The following ZNF140 variants were observed in gnomAD, a reference collection of about 807,000 sequenced individuals.
ZNF140 encodes zinc finger protein 140 (clone pHZ-39).
A neutral mutation model predicts 12.9 loss-of-function variants in ZNF140; 13 were observed. The ratio of observed to expected loss-of-function variants is 1.01; its 90% CI spans 0.66 to 1.60. ZNF140 has a LOEUF of 1.60. ZNF140 is among the 40% of genes most tolerant of loss of function. ZNF140 has a pLI of 0.00. For synonymous variants in ZNF140, 214 were observed against 186.7 expected (o/e 1.15, Z -1.19); for missense variants, 531 against 548.8 (o/e 0.97, Z 0.32).
In ZNF140 at chr12:133,089,326, G is replaced by A. The variant is rs374291852; in HGVS notation, c.232+5765G>A. 4.0e-4 allele frequency among the ~76,000 whole-genome samples: 60 copies of A among 151,680 alleles called. No homozygotes were observed. The East Asian group carries it at 4.1e-3, about 10-fold the overall frequency. On this transcript the variant is annotated intron_variant, in intron 4 of 4. Transcript: ENST00000355557. ...TTCCCCCGGCCCAGGTGATCCTCCC[G>A]TCTCAGCCTCCCAAGTAGCTGGGAC... is the stretch of plus-strand genomic sequence containing the variant.
intron 4 of ZNF140, among the ~76,000 whole-genome samples, chr12:133,099,019 G>A (rs1203175858): frequency 6.6e-6 from 1 of 152,036 alleles, no homozygotes; most frequent in East Asian, 1.9e-4. Context: ...GGGACTACAG[G>A]CGCGAGCCAC....
At chr12:133,083,367 A>G in intron 3 of ZNF140, 99 bp from the exon 4 acceptor site, 2 of 1,502,928 alleles carry the variant, frequency 1.3e-6, no homozygotes, top group Non-Finnish European at 1.8e-6. Context: ...ACTGCACCTT[A>G]TTTTTAGACA....
intron 4 of ZNF140, among the ~76,000 whole-genome samples, chr12:133,104,250 T>G (rs1272596611): frequency 6.6e-6 from 1 of 152,236 alleles, no homozygotes; most frequent in African/African-American, 2.4e-5. Context: ...ATTTGGCATA[T>G]GATTTTTCTT....
At chr12:133,104,265 A>T (rs1955482768) in intron 4 of ZNF140, among the ~76,000 whole-genome samples, 1 of 152,204 alleles carries the variant, frequency 6.6e-6, no homozygotes, top group African/African-American at 2.4e-5. Flanking sequence ...TTTCTTCTGA[A>T]ACATTTGAGA....
chr12:133,100,240 T>C (rs986550374), intron 4 of ZNF140, among the ~76,000 whole-genome samples: 1 of 135,298 alleles, frequency 7.4e-6, no homozygotes, highest in South Asian at 2.6e-4. Context: ...TTATCATAGC[T>C]CACTGCAGCC....
chr12:133,081,359 ATATATATATAT>A lies in ZNF140; in HGVS notation c.9+31_9+41del, dbSNP rs1381720294. The A allele has an allele frequency of 6.7e-5, 18 of 267,626 alleles. 3 individuals are homozygous for A. The highest frequency in any genetic ancestry group is 1.3e-4 in the Admixed American group (2 of 15,398). The allele number at this position is 267,626 out of a possible 1,614,324, so 16.6% of individuals were successfully genotyped here. ...GCTAATGATTGATAAATATATATAT[ATATATATATAT>A]AAATTTTTATTTTTTTTTTAAGAGA... On this transcript the variant is annotated intron_variant, in intron 2 of 4. Coordinates refer to ENST00000355557, the MANE Select transcript of ZNF140 (RefSeq NM_003440.4).
rs987116939 is a variant in ZNF140, at chr12:133,092,896, G to A, written c.232+9335G>A. On this transcript the variant is annotated intron_variant, in intron 4 of 4. Transcript: ENST00000355557. ...ATTGTTCCCAAACTAAGACTTCTGG[G>A]TCTTTTGATTCTTTTGGAATTTCCT... Among the ~76,000 whole-genome samples the A allele has an allele frequency of 5.3e-5, 8 of 151,268 alleles. No homozygotes were observed. The South Asian group carries it at 1.0e-3, about 20-fold the overall frequency.
chr12:133,092,001 C>T (rs1210005564), intron 4 of ZNF140, among the ~76,000 whole-genome samples: 2 of 151,006 alleles, frequency 1.3e-5, no homozygotes, highest in African/African-American at 4.9e-5. Flanking sequence ...ATCCAAATGA[C>T]AGTTTGTCTA....
At chr12:133,104,553 G>A (rs1052118121) in intron 4 of ZNF140, among the ~76,000 whole-genome samples, 96 of 152,078 alleles carry the variant, frequency 6.3e-4, no homozygotes, top group African/African-American at 2.0e-3. Flanking sequence ...GGGTTTCACT[G>A]TGTTAGCCAG....
chr12:133,099,227 C>G (rs982834754), intron 4 of ZNF140, among the ~76,000 whole-genome samples: 2 of 151,866 alleles, frequency 1.3e-5, no homozygotes, highest in Non-Finnish European at 2.9e-5. Context: ...GGCTGGAGTG[C>G]CATGGCATGA....
rs1298031434 is a variant in ZNF140, at chr12:133,106,381, G to C, written c.1104G>C (p.Trp368Cys). Residue 368 changes from tryptophan to cysteine, a missense_variant, in exon 5 of 5, where the codon TGG becomes TGC. Coordinates refer to ENST00000355557, the MANE Select transcript of ZNF140 (RefSeq NM_003440.4). ...ECDECGKVFT[W>C]HASLIQHTKS... ...ATGAATGTGGTAAAGTTTTCACTTG[G>C]CATGCATCCCTTATTCAACATACGA... 1 of 1,613,940 alleles carries C rather than the reference G, an allele frequency of 6.2e-7. No homozygotes were observed. The highest frequency in any genetic ancestry group is 1.3e-5 in the African/African-American group (1 of 74,880).
At chr12:133,089,326 G>T (rs374291852) in intron 4 of ZNF140, among the ~76,000 whole-genome samples, 1 of 151,564 alleles carries the variant, frequency 6.6e-6, no homozygotes, top group Admixed American at 6.6e-5. Context: ...TGATCCTCCC[G>T]TCTCAGCCTC....
intron 4 of ZNF140, among the ~76,000 whole-genome samples, chr12:133,098,133 C>T (rs1349238983): frequency 6.6e-6 from 1 of 151,880 alleles, no homozygotes; most frequent in Admixed American, 6.6e-5. Flanking sequence ...CGCACCCAGC[C>T]CCCTTTTGTG....
chr12:133,101,042 G>A (rs1051790515), intron 4 of ZNF140: 68 of 440,308 alleles, frequency 1.5e-4, no homozygotes, highest in Non-Finnish European at 2.7e-4. Flanking sequence ...TCCCAGCCTT[G>A]TTCCTTTATA....
At position 133,106,358 on chromosome 12, in the gene ZNF140, G is replaced by C. The variant is rs773774912; in HGVS notation, c.1081G>C (p.Glu361Gln). The change falls in exon 5 of 5, where the codon GAA becomes CAA. Residue 361 changes from glutamate to glutamine, a missense_variant. Glu to Gln is a conservative substitution (Grantham distance 29). Transcript: ENST00000355557. ...TGGAGAAAAGCTCTATGAATGTGAT[G>C]AATGTGGTAAAGTTTTCACTTGGCA... ...HAGEKLYECD[E>Q]CGKVFTWHAS... 1.2e-6 allele frequency: 2 copies of C among 1,614,048 alleles called. No individual in the cohort carries two copies.
chr12:133,087,572 GTTGTTATCAATGACTTATAAAC>G (rs1954716147), intron 4 of ZNF140, among the ~76,000 whole-genome samples: 1 of 150,536 alleles, frequency 6.6e-6, no homozygotes, highest in African/African-American at 2.4e-5. Flanking sequence ...TCTATAACTA[GTTGTTATCAATGACTTATAAAC>G]TCCACTGCAT....
intron 2 of ZNF140, chr12:133,082,232 T>C (rs1052394058): frequency 2.0e-5 from 3 of 152,246 alleles, no homozygotes; most frequent in Non-Finnish European, 2.9e-5. Flanking sequence ...TCAGAGGTTC[T>C]CTGAGTTTTG....
chr12:133,081,164 C>T, intron 1 of ZNF140, 92 bp downstream of exon 1: 1 of 348,710 alleles, frequency 2.9e-6, no homozygotes, highest in Non-Finnish European at 5.6e-6. Context: ...CTGCTCTCTA[C>T]GTGGGAGGCG....
chr12:133,082,815 A>G (rs1357606452), intron 2 of ZNF140: 2 of 252,364 alleles, frequency 7.9e-6, no homozygotes, highest in Non-Finnish European at 1.5e-5. Flanking sequence ...AAGAATTTTT[A>G]CAACCAATGC....
Sources: gnomAD v4.1 joint callset for allele counts (sites outside exome capture counted in the v4.1 genomes callset) on GRCh38, gnomAD v4.1.1 for gene constraint, MANE v1.5 for transcripts, NCBI Gene and HGNC (gene_info 2026-07-23, HGNC 2026-07-21) for gene names.